The following VIT variants were observed in gnomAD, a reference collection of about 807,000 sequenced individuals.
The protein encoded by VIT is vitrin.
Under a neutral mutation model 78.0 loss-of-function variants are expected in VIT, and 99 were observed. That is an observed-to-expected ratio of 1.27 (90% CI 1.08 to 1.50). The LOEUF (loss-of-function observed/expected upper bound fraction) is 1.50. VIT is among the 40% of genes most tolerant of loss of function. The pLI, the probability that VIT is intolerant of heterozygous loss-of-function variation, is 0.00. For synonymous variants in VIT, 374 were observed against 334.3 expected (o/e 1.12, Z -1.29); for missense variants, 1,126 against 875.3 (o/e 1.29, Z -3.61).
chr2:36,788,500 A>G (rs1665262010), intron 12 of VIT, among the ~76,000 whole-genome samples: 1 of 152,248 alleles, frequency 6.6e-6, no homozygotes, highest in Non-Finnish European at 1.5e-5. Context: ...ACTTGTATGT[A>G]GTCACACTCA....
rs758523235 is a variant in VIT, at chr2:36,773,814, A to G, written c.703A>G (p.Thr235Ala). The change falls in exon 8 of 16, where the codon ACA becomes GCA. Residue 235 changes from threonine (T) to alanine (A), a missense_variant. Physicochemically the swap from Thr to Ala is moderately conservative, Grantham distance 58. Coordinates refer to ENST00000379242, the MANE Select transcript of VIT (RefSeq NM_053276.4). ...EMDLWSTATY[T>A]SSQNRPRADP... is the part of the protein sequence containing the mutation. ...AGATCTCTGGTCCACTGCCACCTAC[A>G]CAAGCAGCCAAAACAGGCCCAGAGC... is the stretch of plus-strand genomic sequence containing the variant. The G allele has an allele frequency of 6.9e-6, 11 of 1,605,078 alleles. No individual in the cohort carries two copies. In the Admixed American group the frequency reaches 1.0e-4, roughly 15 times the overall value.
chr2:36,768,733 G>A (rs1162548380), intron 7 of VIT, among the ~76,000 whole-genome samples: 1 of 152,132 alleles, frequency 6.6e-6, no homozygotes, highest in African/African-American at 2.4e-5. Flanking sequence ...GGCCCAGGCA[G>A]AGCACATTTT....
At chr2:36,740,128 T>C (rs1200105565) in intron 3 of VIT, among the ~76,000 whole-genome samples, 1 of 152,168 alleles carries the variant, frequency 6.6e-6, no homozygotes, top group Non-Finnish European at 1.5e-5. Context: ...TTTCTGCACT[T>C]TTAGGATCAA....
intron 6 of VIT, among the ~76,000 whole-genome samples, chr2:36,764,142 T>C (rs916206547): frequency 2.0e-5 from 3 of 152,230 alleles, no homozygotes; most frequent in African/African-American, 7.2e-5. Context: ...CAATATATAA[T>C]AAGTTTTAGG....
chr2:36,731,532 C>G (rs1293701125), intron 3 of VIT, among the ~76,000 whole-genome samples: 1 of 152,158 alleles, frequency 6.6e-6, no homozygotes, highest in Non-Finnish European at 1.5e-5. Context: ...CTTGGCCTCA[C>G]AAAGTGCTGG....
At chr2:36,767,958 A>T (rs1669533474) in intron 7 of VIT, among the ~76,000 whole-genome samples, 1 of 152,170 alleles carries the variant, frequency 6.6e-6, no homozygotes, top group Non-Finnish European at 1.5e-5. Flanking sequence ...TGTCTTAGCA[A>T]TGTTTTCTGA....
chr2:36,808,763 G>C lies in VIT; in HGVS notation c.1681G>C (p.Glu561Gln), dbSNP rs199704976. 7.8e-5 allele frequency: 126 copies of C among 1,614,052 alleles called. 2 individuals are homozygous for C. In the Middle Eastern group the frequency reaches 1.2e-3, roughly 15 times the overall value. The change falls in exon 15 of 16, where the codon GAG becomes CAG. Residue 561 changes from glutamate to glutamine, a missense_variant. Transcript: ENST00000379242. ...GCAGTACACCTACGAACAGCGGCTG[G>C]AGTTTGGGTTCGACAAGTACAGCAG... is the stretch of plus-strand genomic sequence containing the variant. The part of the protein sequence containing the change: ...AVQYTYEQRL[E>Q]FGFDKYSSKP...
intron 2 of VIT, among the ~76,000 whole-genome samples, chr2:36,728,877 C>T (rs1667024020): frequency 7.0e-6 from 1 of 143,138 alleles, no homozygotes; most frequent in Admixed American, 6.9e-5. Flanking sequence ...ATGACGTATA[C>T]AGTGGTTATA....
chr2:36,789,994 TGG>T (rs1239028558), intron 12 of VIT, among the ~76,000 whole-genome samples: 2 of 152,210 alleles, frequency 1.3e-5, no homozygotes, highest in Non-Finnish European at 2.9e-5. Flanking sequence ...ATTCCTTCCT[TGG>T]GTTTCCTTAG....
At chr2:36,802,391 TG>T (rs1381496023) in intron 13 of VIT, among the ~76,000 whole-genome samples, 1 of 152,220 alleles carries the variant, frequency 6.6e-6, no homozygotes, top group African/African-American at 2.4e-5. Flanking sequence ...CACAGTTGCT[TG>T]GCTTAGAGTA....
intron 2 of VIT, among the ~76,000 whole-genome samples, chr2:36,717,390 G>C (rs1443171873): frequency 1.3e-4 from 14 of 107,338 alleles, no homozygotes; most frequent in Non-Finnish European, 2.4e-4. Context: ...GTGTGTGTGT[G>C]TGTGTTTAGT....
intron 9 of VIT, among the ~76,000 whole-genome samples, chr2:36,781,499 T>C (rs1270530501): frequency 6.6e-6 from 1 of 152,180 alleles, no homozygotes; most frequent in Non-Finnish European, 1.5e-5. Context: ...TCTTGGTGCA[T>C]AATGAAAAAG....
At chr2:36,717,249 GCTCAC>G (rs1666206334) in intron 2 of VIT, among the ~76,000 whole-genome samples, 1 of 147,942 alleles carries the variant, frequency 6.8e-6, no homozygotes, top group Non-Finnish European at 1.5e-5. Flanking sequence ...CACAATCTTG[GCTCAC>G]TGCAAGCTCT....
intron 9 of VIT, 21 bp downstream of exon 9, chr2:36,775,088 C>T (rs775362257): frequency 6.2e-7 from 1 of 1,612,888 alleles, no homozygotes; most frequent in South Asian, 1.1e-5. Flanking sequence ...CACTGCTTAC[C>T]ATCTCTGCTC....
chr2:36,805,351 T>C, intron 13 of VIT, 87 bp from the exon 14 acceptor site: 1 of 1,404,388 alleles, frequency 7.1e-7, no homozygotes, highest in Non-Finnish European at 9.5e-7. Context: ...GAGTGTATTT[T>C]TCTGGACCTC....
intron 7 of VIT, among the ~76,000 whole-genome samples, chr2:36,768,007 A>C (rs1348819864): frequency 6.6e-6 from 1 of 152,142 alleles, no homozygotes; most frequent in East Asian, 1.9e-4. Flanking sequence ...TTCCAGGAGG[A>C]AGTGCTCTGG....
At chr2:36,769,531 T>A in intron 7 of VIT, among the ~76,000 whole-genome samples, 1 of 152,182 alleles carries the variant, frequency 6.6e-6, no homozygotes, top group East Asian at 1.9e-4. Flanking sequence ...CCATGAAGCA[T>A]GCACCACAAT....
intron 2 of VIT, among the ~76,000 whole-genome samples, chr2:36,721,309 T>A (rs1037091079): frequency 6.6e-6 from 1 of 152,164 alleles, no homozygotes; most frequent in African/African-American, 2.4e-5. Flanking sequence ...AATAAATCAC[T>A]CTATTAATGA....
At chr2:36,751,644 T>C (rs1369100187) in intron 4 of VIT, among the ~76,000 whole-genome samples, 1 of 152,162 alleles carries the variant, frequency 6.6e-6, no homozygotes. Flanking sequence ...CAAGGCTCTA[T>C]AATTCCAGCT....
Sources: gnomAD v4.1 joint callset for allele counts (sites outside exome capture counted in the v4.1 genomes callset) on GRCh38, gnomAD v4.1.1 for gene constraint, MANE v1.5 for transcripts, NCBI Gene and HGNC (gene_info 2026-07-23, HGNC 2026-07-21) for gene names.